The following SLC44A1 variants were observed in gnomAD, a reference collection of about 807,000 sequenced individuals.
SLC44A1 encodes the protein choline transporter-like protein 1.
Under a neutral mutation model 79.3 loss-of-function variants are expected in SLC44A1, and 26 were observed. That is an observed-to-expected ratio of 0.33 (90% confidence interval 0.24 to 0.46). The LOEUF is 0.46. Ranked by LOEUF, SLC44A1 falls within the 20% of genes least tolerant of loss-of-function variation. The probability of loss-of-function intolerance (pLI) is 1.00; values close to 1 mark genes in which losing one functional copy is unlikely to be tolerated. For synonymous variants in SLC44A1, 263 were observed against 286.2 expected, an observed-to-expected ratio of 0.92 and a Z score of 0.82; for missense variants, 688 against 798.1, an observed-to-expected ratio of 0.86 and a Z score of 1.66.
intron 15 of SLC44A1, among the ~76,000 whole-genome samples, chr9:105,434,139 A>G (rs1211911267): frequency 6.6e-6 from 1 of 152,196 alleles, no homozygotes; most frequent in Non-Finnish European, 1.5e-5. Context: ...GGAGTTTGAG[A>G]CCAGTTTAGC....
At chr9:105,298,728 A>G (rs1311221452) in intron 1 of SLC44A1, among the ~76,000 whole-genome samples, 1 of 152,016 alleles carries the variant, frequency 6.6e-6, no homozygotes, top group Non-Finnish European at 1.5e-5. Flanking sequence ...CTTTTTTTTT[A>G]AGTTTAGCAT....
At chr9:105,386,085 A>G in intron 15 of SLC44A1, 1 of 985,306 alleles carries the variant, frequency 1.0e-6, no homozygotes, top group Non-Finnish European at 1.2e-6. Context: ...CCCACTCAGT[A>G]AGACAATCTA....
intron 4 of SLC44A1, among the ~76,000 whole-genome samples, chr9:105,341,411 G>A (rs1033688751): frequency 9.9e-5 from 15 of 151,676 alleles, no homozygotes; most frequent in South Asian, 2.1e-4. Context: ...GAGTTGGGTC[G>A]TGGGGTACAA....
In SLC44A1 at chr9:105,389,804, G is replaced by T; in HGVS notation, c.*748G>T. 7.5e-7 allele frequency: 1 copy of T among 1,340,964 alleles called. No individual in the cohort carries two copies. The highest frequency in any genetic ancestry group is 2.2e-5 in the South Asian group (1 of 45,184). The allele number at this position is 1,340,964 out of a possible 1,614,324, so 83.1% of individuals were successfully genotyped here. A position where few individuals can be genotyped will look rare whatever the true frequency, so the allele number is the denominator to read the frequency against. ...TATATTTTGTCTTTCTTTCCTTTTT[G>T]ACTTTAGTAGCATCCTCCACACATT... On this transcript the variant is annotated 3_prime_UTR_variant, in exon 16 of 16. Transcript: ENST00000374720.
chr9:105,280,796 A>G (rs907289227), intron 1 of SLC44A1, among the ~76,000 whole-genome samples: 8 of 152,208 alleles, frequency 5.3e-5, no homozygotes, highest in Non-Finnish European at 5.9e-5. Flanking sequence ...CAGATTTGCT[A>G]CATTTGCTGA....
chr9:105,416,804 T>C lies in SLC44A1; in HGVS notation c.1951-21477T>C, dbSNP rs533565274. 3.9e-5 allele frequency among the ~76,000 whole-genome samples: 6 copies of C among 152,366 alleles called. No homozygotes were observed. In the East Asian group the frequency reaches 1.2e-3, roughly 29 times the overall value. ...ACCACAGAATAGTTTAAATTTAAGATTTGCTTTTTATCAGGTTGTTTGTCC... is the reference window on the plus strand; with the variant it reads ...ACCACAGAATAGTTTAAATTTAAGACTTGCTTTTTATCAGGTTGTTTGTCC... On this transcript the variant is annotated intron_variant, in intron 15 of 15. Transcript: ENST00000374724.
intron 5 of SLC44A1, among the ~76,000 whole-genome samples, chr9:105,355,336 G>T (rs762784853): frequency 3.0e-4 from 46 of 152,276 alleles, no homozygotes; most frequent in Admixed American, 9.8e-4. Flanking sequence ...ACAAGTAAAA[G>T]TTTCAGTCCA....
chr9:105,262,295 G>A (rs1186433997), intron 1 of SLC44A1, among the ~76,000 whole-genome samples: 1 of 152,132 alleles, frequency 6.6e-6, no homozygotes, highest in Non-Finnish European at 1.5e-5. Context: ...AAGTTATTGT[G>A]TCTGTAGGCA....
chr9:105,371,069 A>C (rs926575135), intron 12 of SLC44A1, among the ~76,000 whole-genome samples: 2 of 152,240 alleles, frequency 1.3e-5, no homozygotes, highest in African/African-American at 4.8e-5. Context: ...AGATCACTGA[A>C]GACCTTTGTC....
chr9:105,407,836 C>T (rs1380065419), intron 15 of SLC44A1, among the ~76,000 whole-genome samples: 2 of 151,952 alleles, frequency 1.3e-5, no homozygotes, highest in Admixed American at 1.3e-4. Context: ...TGCCACTGCA[C>T]TCCAGCCTGG....
Position 105,335,590 on chromosome 9 carries a change from C to A in SLC44A1, c.297C>A (p.Asn99Lys). The A allele has an allele frequency of 6.2e-7, 1 of 1,612,994 alleles. No individual in the cohort carries two copies. Among genetic ancestry groups the A allele is most frequent in the Non-Finnish European group, 8.5e-7 (1 of 1,179,286 alleles). ...ATGTATTCTTTTTGGATCCATGCAA[C>A]CTGGACTTGATAAACCGGAAGATTA... ...RKYVFFLDPC[N>K]LDLINRKIKS... is the part of the protein sequence containing the mutation. The change falls in exon 4 of 16, where the codon AAC becomes AAA. Residue 99 changes from asparagine (N) to lysine (K), a missense_variant. Physicochemically the swap from Asn to Lys is moderately conservative, Grantham distance 94. Coordinates refer to ENST00000374720, the MANE Select transcript of SLC44A1 (RefSeq NM_080546.5).
At position 105,395,909 on chromosome 9, in the gene SLC44A1, T is replaced by C. The variant is rs1828866847; in HGVS notation, c.*6853T>C. ...TAATCCGGTGGTGACTTTTTTTTTTTTTTTGTAAATTGTATTAGATACCCC... is the reference window on the plus strand; with the variant it reads ...TAATCCGGTGGTGACTTTTTTTTTTCTTTTGTAAATTGTATTAGATACCCC... On this transcript the variant is annotated 3_prime_UTR_variant, in exon 16 of 16. Coordinates refer to ENST00000374720, the MANE Select transcript of SLC44A1 (RefSeq NM_080546.5). 1 of 984,902 alleles carries C rather than the reference T, an allele frequency of 1.0e-6. No homozygotes were observed. The highest frequency in any genetic ancestry group is 6.2e-5 in the Admixed American group (1 of 16,246). 61.0% of individuals were successfully genotyped at this position (984,902 alleles called of 1,614,324 possible). A position where few individuals can be genotyped will look rare whatever the true frequency, so the allele number is the denominator to read the frequency against.
chr9:105,366,532 G>A, intron 12 of SLC44A1, 103 bp downstream of exon 12: 1 of 519,954 alleles, frequency 1.9e-6, no homozygotes, highest in Non-Finnish European at 3.2e-6. Context: ...TTTTTCTTGT[G>A]GTATTGTACA....
intron 1 of SLC44A1, among the ~76,000 whole-genome samples, chr9:105,292,233 A>C (rs1031321642): frequency 6.6e-6 from 1 of 152,222 alleles, no homozygotes; most frequent in African/African-American, 2.4e-5. Flanking sequence ...CTCTAGATAT[A>C]TGTGACCAGA....
rs185460207 is a variant in SLC44A1, at chr9:105,389,702, T to C, written c.*646T>C. 3.5e-4 allele frequency: 444 copies of C among 1,258,740 alleles called. 8 individuals are homozygous for C. In the Admixed American group the frequency reaches 0.017, roughly 48 times the overall value. The allele number at this position is 1,258,740 out of a possible 1,614,324, so 78.0% of individuals were successfully genotyped here. ...ACCAACTCCTCAGGTATTTGTAGTTTACCCTAACGCTTCTTTAAAAGAAAG... is the reference window on the plus strand; with the variant it reads ...ACCAACTCCTCAGGTATTTGTAGTTCACCCTAACGCTTCTTTAAAAGAAAG... On this transcript the variant is annotated 3_prime_UTR_variant, in exon 16 of 16. Coordinates refer to ENST00000374720, the MANE Select transcript of SLC44A1 (RefSeq NM_080546.5).
chr9:105,367,135 C>G (rs1301020795), intron 12 of SLC44A1, among the ~76,000 whole-genome samples: 2 of 151,976 alleles, frequency 1.3e-5, no homozygotes, highest in Non-Finnish European at 1.5e-5. Flanking sequence ...TCCTTCTTTT[C>G]TTTATTTTTT....
intron 1 of SLC44A1, among the ~76,000 whole-genome samples, chr9:105,271,246 A>C (rs1248865517): frequency 2.0e-5 from 3 of 152,166 alleles, no homozygotes; most frequent in African/African-American, 7.2e-5. Context: ...TAGGCTTGTT[A>C]ATTTTCTGTA....
chr9:105,336,134 A>ATGTGTG (rs35324360), intron 4 of SLC44A1, among the ~76,000 whole-genome samples: 4,214 of 145,058 alleles, frequency 0.029, 172 homozygotes, highest in African/African-American at 0.1. Context: ...GTGTGTGTGC[A>ATGTGTG]TGTGTGTGTG....
chr9:105,334,016 G>A (rs1022020624), intron 3 of SLC44A1, among the ~76,000 whole-genome samples: 6 of 152,044 alleles, frequency 3.9e-5, no homozygotes, highest in Non-Finnish European at 7.4e-5. Context: ...TTAGTCAGAC[G>A]CCCAGGATAG....
Sources: allele counts gnomAD v4.1 joint callset (sites outside exome capture counted in the v4.1 genomes callset), GRCh38; gene constraint gnomAD v4.1.1; transcripts MANE v1.5; gene names NCBI Gene and HGNC (gene_info 2026-07-23, HGNC 2026-07-21).